Variants in TANC1 observed in about 807,000 individuals in gnomAD.
The protein encoded by TANC1 is protein TANC1.
Under a neutral mutation model 149.7 loss-of-function variants are expected in TANC1, and 77 were observed. The observed-to-expected ratio is 0.51, with a 90% CI of 0.43 to 0.62. TANC1 has a LOEUF of 0.62. TANC1 is among the 20% of genes least tolerant of loss of function. The probability of loss-of-function intolerance (pLI) is 0.00; values close to 1 mark genes in which losing one functional copy is unlikely to be tolerated. For missense variants in TANC1, 1,985 were observed against 2,321.8 expected, an observed-to-expected ratio of 0.85 and a Z score of 2.98; for synonymous variants, 854 against 925.0, an observed-to-expected ratio of 0.92 and a Z score of 1.39.
intron 3 of TANC1, among the ~76,000 whole-genome samples, chr2:159,076,040 T>G (rs1418083899): frequency 6.6e-6 from 1 of 152,248 alleles, no homozygotes; most frequent in African/African-American, 2.4e-5. Flanking sequence ...TTGTTTTTAA[T>G]TAGCATTTCT....
chr2:159,112,344 C>G lies in TANC1; in HGVS notation c.259+14510C>G, dbSNP rs557897651. On this transcript the variant is annotated intron_variant, in intron 4 of 26. Coordinates refer to ENST00000263635, the MANE Select transcript of TANC1 (RefSeq NM_033394.3). ...TTGCTCGGCTCACTGCAACCTCCCC[C>G]TCACAGGTGCAAGTGATTCTCCTGC... is the stretch of plus-strand genomic sequence containing the variant. 1.4e-4 allele frequency among the ~76,000 whole-genome samples: 22 copies of G among 152,256 alleles called. No individual in the cohort carries two copies. In the South Asian group the frequency reaches 4.4e-3, roughly 30 times the overall value.
chr2:159,177,833 A>G (rs1487059704), intron 13 of TANC1, among the ~76,000 whole-genome samples: 2 of 152,236 alleles, frequency 1.3e-5, no homozygotes, highest in Non-Finnish European at 2.9e-5. Flanking sequence ...GGAAGGGCAC[A>G]TGAGGCTTCT....
chr2:159,228,701 C>A, intron 25 of TANC1, 95 bp from the exon 26 acceptor site: 1 of 821,620 alleles, frequency 1.2e-6, no homozygotes, highest in South Asian at 1.5e-5. Context: ...GGCTGTGCCT[C>A]AGAGCGCTGC....
In TANC1 at chr2:159,163,505, G is replaced by A. The variant is rs1335624462; in HGVS notation, c.905G>A (p.Gly302Asp). Residue 302 changes from glycine (G) to aspartate (D), a missense_variant, in exon 8 of 27, where the codon GGC becomes GAC. Transcript: ENST00000263635. ...GATGGTCCAGTCCCTTATTCTCAGGGCTCCAGCTCACTAATAATGCCACGG... is the reference window on the plus strand; with the variant it reads ...GATGGTCCAGTCCCTTATTCTCAGGACTCCAGCTCACTAATAATGCCACGG... ...AGDGPVPYSQ[G>D]SSSLIMPRPN... is the part of the protein sequence containing the mutation. The A allele has an allele frequency of 6.2e-7, 1 of 1,613,246 alleles. No homozygotes were observed. Among genetic ancestry groups the A allele is most frequent in the Non-Finnish European group, 8.5e-7 (1 of 1,179,940 alleles).
At position 159,142,909 on chromosome 2, in the gene TANC1, CA is replaced by C. The variant is rs2051538803; in HGVS notation, c.365-6229del. ...TGAAACCTTGTCTCTACTAAAAATA[CA>C]AAACTAACTGGGCATGGTGGTGGGC... On this transcript the variant is annotated intron_variant, in intron 5 of 26. Coordinates refer to ENST00000263635, the MANE Select transcript of TANC1 (RefSeq NM_033394.3). 2.0e-5 allele frequency among the ~76,000 whole-genome samples: 3 copies of C among 151,646 alleles called. No individual in the cohort carries two copies. In the South Asian group the frequency reaches 6.2e-4, roughly 32 times the overall value.
chr2:159,138,324 T>C (rs1011616813), intron 5 of TANC1, among the ~76,000 whole-genome samples: 9 of 152,324 alleles, frequency 5.9e-5, no homozygotes, highest in African/African-American at 1.7e-4. Flanking sequence ...TGCCTGAAGA[T>C]AGCCATGATG....
intron 3 of TANC1, among the ~76,000 whole-genome samples, chr2:159,073,390 C>A (rs1300837843): frequency 6.6e-6 from 1 of 152,154 alleles, no homozygotes; most frequent in East Asian, 1.9e-4. Context: ...AAGCTCTGGA[C>A]CCCAGAGGAA....
At chr2:159,225,908 G>A (rs1014713011) in intron 24 of TANC1, 129 bp downstream of exon 24, 3 of 793,528 alleles carry the variant, frequency 3.8e-6, no homozygotes, top group Admixed American at 4.2e-5. Flanking sequence ...GTGGCTGGGT[G>A]GGGTGGCTCA....
chr2:159,168,299 A>ATTTT (rs35670582), intron 8 of TANC1, among the ~76,000 whole-genome samples: 3,555 of 130,328 alleles, frequency 0.027, 99 homozygotes, highest in Non-Finnish European at 0.043. Flanking sequence ...TAGATCTTTA[A>ATTTT]TTTTTTTTTT....
chr2:159,170,913 A>C (rs571860824), intron 10 of TANC1, 108 bp downstream of exon 10: 1 of 1,238,788 alleles, frequency 8.1e-7, no homozygotes, highest in East Asian at 2.5e-5. Flanking sequence ...TGTTGCAGCT[A>C]CTATATCAGG....
In TANC1 at chr2:159,219,478, A is replaced by G. The variant is rs1048989429; in HGVS notation, c.3502+117A>G. 9 of 1,472,508 alleles carry G rather than the reference A, an allele frequency of 6.1e-6. No homozygotes were observed. In the East Asian group the frequency reaches 6.8e-5, roughly 11 times the overall value. The allele number at this position is 1,472,508 out of a possible 1,614,324, so 91.2% of individuals were successfully genotyped here. A position where few individuals can be genotyped will look rare whatever the true frequency, so the allele number is the denominator to read the frequency against. ...GTTTTCTGTTAATGGAAATTTTCTA[A>G]TAAACAGTAGAGAGAATAGGCAACA... On this transcript the variant is annotated intron_variant, in intron 21 of 26. Coordinates refer to ENST00000263635, the MANE Select transcript of TANC1 (RefSeq NM_033394.3).
intron 1 of TANC1, among the ~76,000 whole-genome samples, chr2:158,976,884 AAAC>A (rs767030796): frequency 9.2e-5 from 14 of 152,086 alleles, no homozygotes; most frequent in African/African-American, 2.4e-4. Flanking sequence ...CCGTCTTGAA[AAAC>A]AACAACAACA....
rs1372680171 is a variant in TANC1 at position 159,230,189 on chromosome 2, T to C, written c.4763T>C (p.Phe1588Ser). 3 of 1,614,004 alleles carry C rather than the reference T, an allele frequency of 1.9e-6. No homozygotes were observed. In the East Asian group the frequency reaches 6.7e-5, roughly 36 times the overall value. The change falls in exon 27 of 27, where the codon TTC becomes TCC. Residue 1588 changes from phenylalanine (F) to serine (S), a missense_variant. By Grantham distance (155) the Phe-to-Ser change is radical. Transcript: ENST00000263635. The surrounding 1 kb of genome is among the most constrained non-coding windows in gnomAD (Gnocchi z 4.4). ...CAGCATTTAGAGGGAACAGGTACTT[T>C]CACTACAAGAGCTGGTTGTGGCCAC... ...RTQHLEGTGT[F>S]TTRAGCGHFG...
intron 2 of TANC1, among the ~76,000 whole-genome samples, chr2:159,036,204 G>C (rs928423761): frequency 4.6e-5 from 7 of 152,090 alleles, no homozygotes; most frequent in Non-Finnish European, 1.5e-5. Flanking sequence ...TCAGGTATTT[G>C]AGCTACGACT....
rs1253875710 is a variant in TANC1, at chr2:159,136,183, T to A, written c.260-11T>A. The A allele has an allele frequency of 6.5e-7, 1 of 1,541,268 alleles. No homozygotes were observed. Among genetic ancestry groups the A allele is most frequent in the African/African-American group, 1.4e-5 (1 of 73,446 alleles). On this transcript the variant is annotated splice_polypyrimidine_tract_variant and intron_variant, in intron 4 of 26. Coordinates refer to ENST00000263635, the MANE Select transcript of TANC1 (RefSeq NM_033394.3). ...AAAAAATTAGCCACACTCAGATCTT[T>A]CCCACTACAGGTCCCGTCAGGAAGC...
Position 159,196,671 on chromosome 2 carries a change from G to A in TANC1, c.3043G>A (p.Asp1015Asn), listed in dbSNP as rs2057878130. Residue 1015 changes from aspartate (D) to asparagine (N), a missense_variant, in exon 18 of 27, where the codon GAC becomes AAC. By Grantham distance (23) the Asp-to-Asn change is conservative. Coordinates refer to ENST00000263635, the MANE Select transcript of TANC1 (RefSeq NM_033394.3). ...CCACAGTGCCCTACGGGGCCACGGT[G>A]ACATTCTCCAGTACCTGCTGACTTG... Reference protein sequence around the residue: ...LVHSALRGHGDILQYLLTCEW... With the variant: ...LVHSALRGHGNILQYLLTCEW... The A allele has an allele frequency of 6.2e-7, 1 of 1,613,996 alleles. No homozygotes were observed. Among genetic ancestry groups the A allele is most frequent in the Non-Finnish European group, 8.5e-7 (1 of 1,179,986 alleles).
chr2:159,033,087 C>A (rs1319473233), intron 2 of TANC1, among the ~76,000 whole-genome samples: 2 of 152,178 alleles, frequency 1.3e-5, no homozygotes, highest in African/African-American at 4.8e-5. Flanking sequence ...CTGAGCCCTG[C>A]AAAAGGTTCA....
At chr2:159,003,996 A>G in intron 2 of TANC1, 1 of 1,612,460 alleles carries the variant, frequency 6.2e-7, no homozygotes, top group African/African-American at 1.3e-5. Context: ...TGTGAATAAT[A>G]TAGCTGGTAT....
chr2:159,197,550 G>A (rs35107639), intron 18 of TANC1, among the ~76,000 whole-genome samples: 35,351 of 151,850 alleles, frequency 0.23, 5,259 homozygotes, highest in Non-Finnish European at 0.35. Flanking sequence ...ACTCATGAGC[G>A]GACACACACA....
Sources: allele counts gnomAD v4.1 joint callset (sites outside exome capture counted in the v4.1 genomes callset), GRCh38; gene constraint gnomAD v4.1.1; non-coding constraint Gnocchi (gnomAD v3.1); transcripts MANE v1.5; gene names NCBI Gene and HGNC (gene_info 2026-07-23, HGNC 2026-07-21).